JAKMIP1: variants seen among roughly 807,000 people sequenced by gnomAD.
JAKMIP1 encodes janus kinase and microtubule interacting protein 1.
In JAKMIP1, 33 loss-of-function variants were observed where a neutral mutation model predicts 113.0. That is an observed-to-expected ratio of 0.29 (90% confidence interval 0.22 to 0.39). The LOEUF is 0.39. Among genes scored for constraint, JAKMIP1 ranks in the 10% least tolerant of loss-of-function variants. JAKMIP1 has a pLI of 1.00. For missense variants in JAKMIP1, 813 were observed against 1,080.5 expected (o/e 0.75, Z 3.47); for synonymous variants, 480 against 459.9 (o/e 1.04, Z -0.56).
intron 1 of JAKMIP1, among the ~76,000 whole-genome samples, chr4:6,122,743 G>A (rs1347827194): frequency 1.3e-5 from 2 of 152,204 alleles, no homozygotes; most frequent in African/African-American, 2.4e-5. Flanking sequence ...TGATATGGAG[G>A]TCAGGGAGGG....
rs1362230692 is a variant in JAKMIP1 at position 6,167,102 on chromosome 4, GGT to G, written c.-148+33149_-148+33150del. 6.6e-6 allele frequency among the ~76,000 whole-genome samples: 1 copy of G among 152,110 alleles called. No individual in the cohort carries two copies. Among genetic ancestry groups the G allele is most frequent in the African/African-American group, 2.4e-5 (1 of 41,414 alleles). ...TAGGGGGTACTCAGGGTGGGCTGCT[GGT>G]ATTATTAAAATTCTTGAAATCCATC... On this transcript the variant is annotated intron_variant, in intron 1 of 20. Transcript: ENST00000409021. The surrounding 1 kb of genome is among the most constrained non-coding windows in gnomAD (Gnocchi z 5.3).
At chr4:6,171,072 ACCAC>A (rs1724592738) in intron 1 of JAKMIP1, among the ~76,000 whole-genome samples, 2 of 106,674 alleles carry the variant, frequency 1.9e-5, no homozygotes, top group South Asian at 7.7e-4. Flanking sequence ...CACCATCACC[ACCAC>A]CCCCATTACC....
chr4:6,126,762 T>C (rs1717726359), intron 1 of JAKMIP1, among the ~76,000 whole-genome samples: 1 of 139,676 alleles, frequency 7.2e-6, no homozygotes, highest in Admixed American at 7.2e-5. Flanking sequence ...ACACAACACA[T>C]GCGCCCCCCC....
chr4:6,038,634 A>G (rs1339815084), intron 18 of JAKMIP1, among the ~76,000 whole-genome samples: 1 of 152,246 alleles, frequency 6.6e-6, no homozygotes, highest in East Asian at 1.9e-4. Flanking sequence ...CAGGCCCATC[A>G]GGCCAGACTG....
intron 3 of JAKMIP1, 51 bp downstream of exon 3, chr4:6,105,422 G>T: frequency 6.7e-7 from 1 of 1,502,398 alleles, no homozygotes. Context: ...CCCCATGCGT[G>T]CAGGGAGGGA....
chr4:6,074,017 C>T (rs1719339885), intron 8 of JAKMIP1, among the ~76,000 whole-genome samples: 2 of 152,250 alleles, frequency 1.3e-5, no homozygotes, highest in South Asian at 4.1e-4. Context: ...GTCCGAGGAA[C>T]CACTCAGGAT....
chr4:6,030,233 C>A (rs1712434683), intron 19 of JAKMIP1, among the ~76,000 whole-genome samples: 2 of 151,738 alleles, frequency 1.3e-5, no homozygotes, highest in African/African-American at 4.8e-5. Flanking sequence ...TAACTGCAGC[C>A]TGGGGGATGG....
Position 6,136,595 on chromosome 4 carries a change from G to A in JAKMIP1, c.-147-23598C>T, listed in dbSNP as rs1042908619. Among the ~76,000 whole-genome samples the A allele has an allele frequency of 5.9e-5, 9 of 152,264 alleles. No homozygotes were observed. The highest frequency in any genetic ancestry group is 1.9e-4 in the East Asian group (1 of 5,162). ...ACGGTCACACAACCAAGGATGGCTC[G>A]TGTCACCTGCACCTTGCTCGACTAT... On this transcript the variant is annotated intron_variant, in intron 1 of 20. Coordinates refer to ENST00000409021, the MANE Select transcript of JAKMIP1 (RefSeq NM_001099433.2). The surrounding 1 kb of genome is among the most constrained non-coding windows in gnomAD (Gnocchi z 5.9).
chr4:6,171,574 A>T (rs1724720674), intron 1 of JAKMIP1, among the ~76,000 whole-genome samples: 1 of 146,758 alleles, frequency 6.8e-6, no homozygotes, highest in Admixed American at 6.9e-5. Context: ...GCCCACTGTG[A>T]TGTAAACCGT....
chr4:6,089,540 G>A lies in JAKMIP1; in HGVS notation c.625-3911C>T, dbSNP rs1721750829. ...GAAAGGGGAATGTGCTAACACTCTA[G>A]TTAGCAGCAGAACCATGACTCAAGT... On this transcript the variant is annotated intron_variant, in intron 3 of 20. Coordinates refer to ENST00000409021, the MANE Select transcript of JAKMIP1 (RefSeq NM_001099433.2). The surrounding 1 kb of genome is among the most constrained non-coding windows in gnomAD (Gnocchi z 5.3). 1.3e-5 allele frequency among the ~76,000 whole-genome samples: 2 copies of A among 152,176 alleles called. No individual in the cohort carries two copies. Among genetic ancestry groups the A allele is most frequent in the African/African-American group, 4.8e-5 (2 of 41,442 alleles).
Position 6,167,732 on chromosome 4 carries a change from T to C in JAKMIP1, c.-148+32521A>G, listed in dbSNP as rs1723818774. On this transcript the variant is annotated intron_variant, in intron 1 of 20. Coordinates refer to ENST00000409021, the MANE Select transcript of JAKMIP1 (RefSeq NM_001099433.2). This position sits in a 1 kb window ranked among gnomAD's most constrained non-coding sequence, Gnocchi z 5.3. ...CATGAATGTACTGCTATCCTCACTTTACAGATGTGAACTGCCCAAGGGCAC... is the reference window on the plus strand; with the variant it reads ...CATGAATGTACTGCTATCCTCACTTCACAGATGTGAACTGCCCAAGGGCAC... 6.6e-6 allele frequency among the ~76,000 whole-genome samples: 1 copy of C among 152,250 alleles called. No homozygotes were observed. The highest frequency in any genetic ancestry group is 1.5e-5 in the Non-Finnish European group (1 of 68,046).
chr4:6,127,081 C>T (rs778836160), intron 1 of JAKMIP1, among the ~76,000 whole-genome samples: 8 of 152,096 alleles, frequency 5.3e-5, no homozygotes, highest in African/African-American at 1.7e-4. Context: ...TTGGTGGCTC[C>T]GAGCAGGGCA....
At position 6,054,141 on chromosome 4, in the gene JAKMIP1, C is replaced by G. The variant is rs1255890656; in HGVS notation, c.1715G>C (p.Arg572Thr). ...CAGCTGGTTCTCTTCCATTTCCAGT[C>G]TGTAAATCTAGAGCAAAGATACCTG... ...TNQDLLEKIY[R>T]LEMEENQLKN... The change falls in exon 13 of 21, where the codon AGA becomes ACA. Residue 572 changes from arginine (R) to threonine (T), a missense_variant. Physicochemically the swap from Arg to Thr is moderately conservative, Grantham distance 71 (BLOSUM62 -1). Coordinates refer to ENST00000409021, the MANE Select transcript of JAKMIP1 (RefSeq NM_001099433.2). 2 of 1,614,036 alleles carry G rather than the reference C, an allele frequency of 1.2e-6. No homozygotes were observed. The highest frequency in any genetic ancestry group is 2.7e-5 in the African/African-American group (2 of 74,942).
chr4:6,034,449 G>A (rs951364513), intron 19 of JAKMIP1, among the ~76,000 whole-genome samples: 1 of 152,172 alleles, frequency 6.6e-6, no homozygotes, highest in Admixed American at 6.5e-5. Context: ...CTTTGATGGT[G>A]ATGATGATTG....
In JAKMIP1 at chr4:6,044,365, G is replaced by C. The variant is rs919643629; in HGVS notation, c.2029-2138C>G. On this transcript the variant is annotated intron_variant, in intron 16 of 20. Transcript: ENST00000409021. The surrounding 1 kb of genome is among the most constrained non-coding windows in gnomAD (Gnocchi z 4.4). ...CAGGTTGGTGGGGTGTGTGCTGCCT[G>C]AACAGAGGGGACTAGAACTGATCGG... Among the ~76,000 whole-genome samples the C allele has an allele frequency of 7.2e-5, 11 of 152,108 alleles. No homozygotes were observed. The highest frequency in any genetic ancestry group is 2.7e-4 in the African/African-American group (11 of 41,432).
At chr4:6,103,321 A>C (rs903853935) in intron 3 of JAKMIP1, among the ~76,000 whole-genome samples, 4 of 152,230 alleles carry the variant, frequency 2.6e-5, no homozygotes, top group African/African-American at 9.6e-5. Context: ...CAGTGATTTT[A>C]GAATATGAAG....
chr4:6,087,744 ATTTGTAC>A (rs1475876181), intron 3 of JAKMIP1, among the ~76,000 whole-genome samples: 1 of 152,136 alleles, frequency 6.6e-6, no homozygotes, highest in Non-Finnish European at 1.5e-5. Context: ...CTAGGTACTA[ATTTGTAC>A]TTAAGAGCTC....
At chr4:6,191,962 C>A (rs1463179584) in intron 1 of JAKMIP1, among the ~76,000 whole-genome samples, 1 of 53,856 alleles carries the variant, frequency 1.9e-5, no homozygotes, top group Non-Finnish European at 4.1e-5. Context: ...GATGGAGTTT[C>A]GCTCTTGTCA....
rs183557343 is a variant in JAKMIP1, at chr4:6,154,489, C to T, written c.-147-41492G>A. Among the ~76,000 whole-genome samples, 409 of 147,314 alleles carry T rather than the reference C, an allele frequency of 2.8e-3. 1 individual carries two copies. The highest frequency in any genetic ancestry group is 4.9e-3 in the Admixed American group (73 of 14,830). On this transcript the variant is annotated intron_variant, in intron 1 of 20. Coordinates refer to ENST00000409021, the MANE Select transcript of JAKMIP1 (RefSeq NM_001099433.2). The surrounding 1 kb of genome is among the most constrained non-coding windows in gnomAD (Gnocchi z 4.2). ...ATTGGACAAGGAATTTGTCAGATGT[C>T]TATAGTCCTTTAAAAAAAAAAAAAA...
Sources: gnomAD v4.1 joint callset for allele counts (sites outside exome capture counted in the v4.1 genomes callset) on GRCh38, gnomAD v4.1.1 for gene constraint, Gnocchi (gnomAD v3.1) non-coding constraint, MANE v1.5 for transcripts, NCBI Gene and HGNC (gene_info 2026-07-23, HGNC 2026-07-21) for gene names.